PLCB4: variants seen among roughly 807,000 people sequenced by gnomAD.
PLCB4 encodes phospholipase C beta 4, also known as 1-phosphatidylinositol 4,5-bisphosphate phosphodiesterase beta-4.
In PLCB4, 77 loss-of-function variants were observed where a neutral mutation model predicts 178.8. The observed-to-expected ratio is 0.43, with a 90% confidence interval of 0.36 to 0.52. The LOEUF (loss-of-function observed/expected upper bound fraction) is 0.52. Ranked by LOEUF, PLCB4 falls within the 20% of genes least tolerant of loss-of-function variation. The pLI is 0.00. For synonymous variants in PLCB4, 496 were observed against 490.8 expected, an observed-to-expected ratio of 1.01 and a Z score of -0.14; for missense variants, 1,024 against 1,453.4, an observed-to-expected ratio of 0.70 and a Z score of 4.80.
intron 1 of PLCB4, among the ~76,000 whole-genome samples, chr20:9,076,844 G>T (rs932373269): frequency 1.3e-5 from 2 of 151,924 alleles, no homozygotes; most frequent in African/African-American, 4.8e-5. Context: ...TTTTTCATTG[G>T]TTTTTTAAAA....
intron 3 of PLCB4, among the ~76,000 whole-genome samples, chr20:9,283,468 A>G (rs915992310): frequency 6.6e-6 from 1 of 151,918 alleles, no homozygotes; most frequent in Non-Finnish European, 1.5e-5. Context: ...GAAGTACTTT[A>G]AAGTTTCAGA....
intron 35 of PLCB4, among the ~76,000 whole-genome samples, 168 bp from the exon 36 acceptor site, chr20:9,468,403 T>G (rs563310613): frequency 6.6e-6 from 1 of 152,348 alleles, no homozygotes; most frequent in Non-Finnish European, 1.5e-5. Flanking sequence ...TAAACTTTAC[T>G]GTTGTAACCA....
intron 7 of PLCB4, among the ~76,000 whole-genome samples, chr20:9,351,057 A>G (rs1402771921): frequency 6.6e-6 from 1 of 152,210 alleles, no homozygotes; most frequent in Admixed American, 6.5e-5. Flanking sequence ...AAGTCCACAT[A>G]TAAAGGGGGT....
At chr20:9,116,731 A>G (rs1306273302) in intron 2 of PLCB4, among the ~76,000 whole-genome samples, 2 of 152,192 alleles carry the variant, frequency 1.3e-5, no homozygotes, top group Non-Finnish European at 2.9e-5. Flanking sequence ...ATGAAAAAAA[A>G]TCCCAGTGGA....
chr20:9,207,796 A>G (rs1301337290), intron 2 of PLCB4, among the ~76,000 whole-genome samples: 1 of 152,222 alleles, frequency 6.6e-6, no homozygotes, highest in Non-Finnish European at 1.5e-5. Context: ...AAAATGGTGC[A>G]TAGTGGAAGA....
chr20:9,263,252 T>C (rs1291713485), intron 3 of PLCB4, among the ~76,000 whole-genome samples: 1 of 152,164 alleles, frequency 6.6e-6, no homozygotes, highest in Non-Finnish European at 1.5e-5. Flanking sequence ...AGGGGTCTGA[T>C]AATACTTGTC....
chr20:9,432,140 A>G (rs2041461707), intron 28 of PLCB4, among the ~76,000 whole-genome samples: 1 of 152,254 alleles, frequency 6.6e-6, no homozygotes, highest in Non-Finnish European at 1.5e-5. Context: ...ATATGCATCA[A>G]TGAAAATGCA....
At position 9,232,579 on chromosome 20, in the gene PLCB4, A is replaced by G. The variant is rs144491391; in HGVS notation, c.-16+15127A>G. Among the ~76,000 whole-genome samples, 712 of 152,268 alleles carry G rather than the reference A, an allele frequency of 4.7e-3. 5 individuals carry two copies. Among genetic ancestry groups the G allele is most frequent in the African/African-American group, 0.017 (693 of 41,572 alleles). Reference sequence around the variant, plus strand: ...AAAACCAAATTTTAGGAATTCTTCAACAGAAGTATGGAAACTTCACTTATT... The same window carrying G: ...AAAACCAAATTTTAGGAATTCTTCAGCAGAAGTATGGAAACTTCACTTATT... On this transcript the variant is annotated intron_variant, in intron 3 of 39. Transcript: ENST00000378473.
intron 7 of PLCB4, among the ~76,000 whole-genome samples, chr20:9,341,179 T>C (rs2033148303): frequency 6.6e-6 from 1 of 152,118 alleles, no homozygotes; most frequent in Non-Finnish European, 1.5e-5. Context: ...CATAATTTGG[T>C]TGCTGTTAGT....
At chr20:9,463,770 A>G (rs2043571697) in intron 35 of PLCB4, among the ~76,000 whole-genome samples, 1 of 152,166 alleles carries the variant, frequency 6.6e-6, no homozygotes, top group African/African-American at 2.4e-5. Context: ...GAGCATGCAG[A>G]TTCATAAAGC....
intron 2 of PLCB4, among the ~76,000 whole-genome samples, chr20:9,100,980 T>A (rs528943796): frequency 6.6e-6 from 1 of 152,206 alleles, no homozygotes; most frequent in East Asian, 1.9e-4. Flanking sequence ...GTGGGTAGGC[T>A]GCCCGCCTGT....
At chr20:9,201,526 A>G (rs938102839) in intron 2 of PLCB4, among the ~76,000 whole-genome samples, 2 of 152,104 alleles carry the variant, frequency 1.3e-5, no homozygotes, top group Non-Finnish European at 1.5e-5. Context: ...TGCATGTTAT[A>G]ACTGTGTAAA....
chr20:9,195,812 T>C (rs995972208), intron 2 of PLCB4, among the ~76,000 whole-genome samples: 1 of 152,176 alleles, frequency 6.6e-6, no homozygotes, highest in Non-Finnish European at 1.5e-5. Context: ...TCTCTCTATA[T>C]CCTACTGGTT....
intron 2 of PLCB4, among the ~76,000 whole-genome samples, chr20:9,183,469 A>G (rs994591825): frequency 6.6e-5 from 10 of 152,112 alleles, no homozygotes; most frequent in Non-Finnish European, 1.5e-4. Context: ...TTTTTCCATC[A>G]CCACACATAA....
chr20:9,129,284 A>G (rs1478452300), intron 2 of PLCB4, among the ~76,000 whole-genome samples: 1 of 152,052 alleles, frequency 6.6e-6, no homozygotes, highest in Non-Finnish European at 1.5e-5. Context: ...TCCCCCTCCC[A>G]CCAATTAGGA....
intron 1 of PLCB4, among the ~76,000 whole-genome samples, chr20:9,081,775 A>C (rs1439177311): frequency 1.3e-4 from 19 of 151,688 alleles, no homozygotes; most frequent in Admixed American, 8.5e-4. Flanking sequence ...AAGCAAAAAA[A>C]AAAAAAAAGC....
intron 3 of PLCB4, among the ~76,000 whole-genome samples, chr20:9,263,882 T>C (rs1261042300): frequency 6.6e-6 from 1 of 152,200 alleles, no homozygotes. Context: ...GTAAAGGTGT[T>C]AAAATCATGT....
chr20:9,356,284 G>A (rs1283931761), intron 7 of PLCB4, among the ~76,000 whole-genome samples: 1 of 152,108 alleles, frequency 6.6e-6, no homozygotes, highest in Admixed American at 6.5e-5. Flanking sequence ...CTGTGCAGAA[G>A]CTCTTTAGTT....
At chr20:9,338,378 A>G (rs1317722850) in intron 6 of PLCB4, among the ~76,000 whole-genome samples, 1 of 151,554 alleles carries the variant, frequency 6.6e-6, no homozygotes, top group Admixed American at 6.6e-5. Flanking sequence ...AGACCCTCAT[A>G]TCTAGTTTCT....
Sources: allele counts gnomAD v4.1 joint callset (sites outside exome capture counted in the v4.1 genomes callset), GRCh38; gene constraint gnomAD v4.1.1; transcripts MANE v1.5; gene names NCBI Gene and HGNC (gene_info 2026-07-23, HGNC 2026-07-21).